The following SDK1 variants were observed in gnomAD, a reference collection of about 807,000 sequenced individuals.
The protein encoded by SDK1 is protein sidekick-1.
SDK1 carries 157 observed loss-of-function variants against 245.5 expected under a neutral mutation model. The observed-to-expected ratio is 0.64, with a 90% confidence interval of 0.56 to 0.73. The LOEUF is 0.73. Among genes scored for constraint, SDK1 ranks in the 30% least tolerant of loss-of-function variants. The pLI, the probability that SDK1 is intolerant of heterozygous loss-of-function variation, is 0.00. For missense variants in SDK1, 3,583 were observed against 3,002.3 expected (o/e 1.19, Z -4.52); for synonymous variants, 1,647 against 1,278.5 (o/e 1.29, Z -6.15).
intron 1 of SDK1, among the ~76,000 whole-genome samples, chr7:3,607,136 A>G (rs1036384169): frequency 4.6e-5 from 7 of 152,050 alleles, no homozygotes; most frequent in Non-Finnish European, 1.5e-5. Flanking sequence ...TACCTGCACT[A>G]CACAAAGGAA....
intron 4 of SDK1, among the ~76,000 whole-genome samples, chr7:3,656,462 G>A (rs1055857309): frequency 2.6e-5 from 4 of 152,190 alleles, no homozygotes; most frequent in Non-Finnish European, 4.4e-5. Flanking sequence ...CTCCCGAAGT[G>A]CAAAATTCCC....
chr7:3,858,849 T>C (rs1218053266), intron 5 of SDK1, among the ~76,000 whole-genome samples: 1 of 146,632 alleles, frequency 6.8e-6, no homozygotes, highest in Non-Finnish European at 1.5e-5. Flanking sequence ...GTCTAAAACC[T>C]TGTATTTTTC....
chr7:4,034,363 C>T (rs1292022010), intron 17 of SDK1, among the ~76,000 whole-genome samples: 4 of 152,070 alleles, frequency 2.6e-5, no homozygotes, highest in Admixed American at 1.3e-4. Context: ...GTGTCAATGC[C>T]GACGTCCCGG....
chr7:4,118,561 C>G (rs1045648696), intron 25 of SDK1, among the ~76,000 whole-genome samples: 1 of 152,180 alleles, frequency 6.6e-6, no homozygotes, highest in African/African-American at 2.4e-5. Context: ...TACGACAAAG[C>G]AACTCTACTC....
intron 1 of SDK1, among the ~76,000 whole-genome samples, chr7:3,328,509 T>C (rs1178692585): frequency 6.6e-6 from 1 of 152,028 alleles, no homozygotes. Flanking sequence ...TTCTAAAATA[T>C]TTACTTATAT....
At chr7:3,362,733 C>T (rs1780986545) in intron 1 of SDK1, among the ~76,000 whole-genome samples, 1 of 151,990 alleles carries the variant, frequency 6.6e-6, no homozygotes, top group African/African-American at 2.4e-5. Flanking sequence ...GAATATACAA[C>T]CAGTTTTCTT....
intron 1 of SDK1, among the ~76,000 whole-genome samples, chr7:3,318,752 C>T (rs1190066247): frequency 6.6e-6 from 1 of 152,132 alleles, no homozygotes; most frequent in African/African-American, 2.4e-5. Flanking sequence ...CTTGCCATTG[C>T]ATTAGGTACC....
At chr7:3,442,003 A>G (rs1562488647) in intron 1 of SDK1, among the ~76,000 whole-genome samples, 1 of 152,122 alleles carries the variant, frequency 6.6e-6, no homozygotes, top group Non-Finnish European at 1.5e-5. Context: ...AGCTCTCCAC[A>G]AGCATCCTCA....
At chr7:3,639,193 T>G (rs1214375200) in intron 3 of SDK1, 83 bp downstream of exon 3, 9 of 689,914 alleles carry the variant, frequency 1.3e-5, no homozygotes, top group Non-Finnish European at 2.2e-5. Flanking sequence ...TTCACCATTG[T>G]AGGAACTGAG....
At chr7:3,720,850 T>C (rs1390283888) in intron 4 of SDK1, among the ~76,000 whole-genome samples, 1 of 152,222 alleles carries the variant, frequency 6.6e-6, no homozygotes, top group African/African-American at 2.4e-5. Context: ...AGTTCAAATA[T>C]CTTGCAATAG....
At chr7:3,688,022 A>C (rs370552434) in intron 4 of SDK1, among the ~76,000 whole-genome samples, 1 of 152,178 alleles carries the variant, frequency 6.6e-6, no homozygotes, top group East Asian at 1.9e-4. Context: ...AGATTAGAGG[A>C]TTTCCAAGAG....
chr7:3,397,453 A>G (rs1159316451), intron 1 of SDK1, among the ~76,000 whole-genome samples: 1 of 147,296 alleles, frequency 6.8e-6, no homozygotes, highest in Non-Finnish European at 1.5e-5. Context: ...TGCTGGATAT[A>G]TAATTTTTGG....
chr7:3,900,322 G>C (rs906387548), intron 5 of SDK1, among the ~76,000 whole-genome samples: 3 of 152,188 alleles, frequency 2.0e-5, no homozygotes, highest in African/African-American at 7.2e-5. Flanking sequence ...TTACCAACAT[G>C]TTCTGCCTGA....
At chr7:3,645,782 C>T (rs1782815703) in intron 4 of SDK1, among the ~76,000 whole-genome samples, 1 of 152,070 alleles carries the variant, frequency 6.6e-6, no homozygotes, top group Admixed American at 6.6e-5. Context: ...ACAGAGATGC[C>T]ATTTAAAAAC....
chr7:3,347,826 C>T (rs1242091482), intron 1 of SDK1, among the ~76,000 whole-genome samples: 3 of 151,860 alleles, frequency 2.0e-5, no homozygotes, highest in African/African-American at 7.3e-5. Context: ...TTTATTAATT[C>T]TCAGGGAATA....
At chr7:3,594,800 A>C (rs1448072740) in intron 1 of SDK1, among the ~76,000 whole-genome samples, 1 of 152,244 alleles carries the variant, frequency 6.6e-6, no homozygotes, top group Non-Finnish European at 1.5e-5. Context: ...AAGAACCATC[A>C]GTCCCTGCTT....
At chr7:4,222,920 G>A (rs374468008) in intron 40 of SDK1, among the ~76,000 whole-genome samples, 78 of 152,134 alleles carry the variant, frequency 5.1e-4, no homozygotes, top group African/African-American at 1.8e-3. Flanking sequence ...TGGGTTCTGG[G>A]GCCAAATTGA....
At position 3,592,851 on chromosome 7, in the gene SDK1, A is replaced by G. The variant is rs1478077714; in HGVS notation, c.299-26229A>G. 2.6e-5 allele frequency among the ~76,000 whole-genome samples: 4 copies of G among 152,200 alleles called. No homozygotes were observed. The East Asian group carries it at 7.7e-4, about 29-fold the overall frequency. Reference sequence around the variant, plus strand: ...ATGTTTGTTGTGTTTTGAAACACTGATGGGTTTTTAATGCACTGCTGATTA... The same window carrying G: ...ATGTTTGTTGTGTTTTGAAACACTGGTGGGTTTTTAATGCACTGCTGATTA... On this transcript the variant is annotated intron_variant, in intron 1 of 44. Transcript: ENST00000404826.
chr7:3,441,828 A>G (rs1049002962), intron 1 of SDK1, among the ~76,000 whole-genome samples: 2 of 152,128 alleles, frequency 1.3e-5, no homozygotes, highest in Admixed American at 6.5e-5. Flanking sequence ...AATGTAAACC[A>G]CTCAGTGTCA....
Sources: gnomAD v4.1 joint callset for allele counts (sites outside exome capture counted in the v4.1 genomes callset) on GRCh38, gnomAD v4.1.1 for gene constraint, MANE v1.5 for transcripts, NCBI Gene and HGNC (gene_info 2026-07-23, HGNC 2026-07-21) for gene names.